CDK14: variants seen among roughly 807,000 people sequenced by gnomAD.
CDK14 encodes the protein cyclin-dependent kinase 14.
In CDK14, 34 loss-of-function variants were observed where a neutral mutation model predicts 60.7. The observed-to-expected ratio is 0.56, with a 90% CI of 0.43 to 0.75. The LOEUF (loss-of-function observed/expected upper bound fraction) is 0.75. Among genes scored for constraint, CDK14 ranks in the 30% least tolerant of loss-of-function variants. The pLI is 0.00. For missense variants in CDK14, 482 were observed against 564.1 expected (o/e 0.85, Z 1.47); for synonymous variants, 197 against 203.7 (o/e 0.97, Z 0.28).
intron 10 of CDK14, among the ~76,000 whole-genome samples, chr7:91,007,725 T>G (rs1297255039): frequency 6.6e-6 from 1 of 152,092 alleles, no homozygotes; most frequent in African/African-American, 2.4e-5. Context: ...GTCAGTAAAC[T>G]GTTCTTTTTT....
intron 12 of CDK14, among the ~76,000 whole-genome samples, chr7:91,083,516 C>CA (rs1036342392): frequency 6.6e-6 from 1 of 152,202 alleles, no homozygotes; most frequent in African/African-American, 2.4e-5. Context: ...TGGAGGCCCC[C>CA]AAAGGCTCAC....
chr7:91,078,807 G>A (rs1020034554), intron 11 of CDK14, among the ~76,000 whole-genome samples: 1 of 152,288 alleles, frequency 6.6e-6, no homozygotes, highest in Non-Finnish European at 1.5e-5. Context: ...TTAACAATTG[G>A]TATATCATCA....
chr7:90,966,647 T>G (rs1391425793), intron 9 of CDK14, among the ~76,000 whole-genome samples: 1 of 152,158 alleles, frequency 6.6e-6, no homozygotes, highest in Non-Finnish European at 1.5e-5. Flanking sequence ...CTCCTGGGTT[T>G]AATGTCATCT....
At chr7:90,748,395 T>C (rs1803683701) in intron 4 of CDK14, among the ~76,000 whole-genome samples, 1 of 152,176 alleles carries the variant, frequency 6.6e-6, no homozygotes, top group South Asian at 2.1e-4. Flanking sequence ...ACCTCCTTAC[T>C]CTCCCTTATT....
At chr7:90,696,343 T>C (rs796441838) in intron 2 of CDK14, among the ~76,000 whole-genome samples, 20,454 of 142,582 alleles carry the variant, frequency 0.14, 1,528 homozygotes, top group South Asian at 0.17. Context: ...CTTCTTTTTT[T>C]TTTTTTTTTT....
chr7:90,907,193 T>C (rs1481345380), intron 7 of CDK14, among the ~76,000 whole-genome samples: 3 of 151,994 alleles, frequency 2.0e-5, no homozygotes, highest in South Asian at 2.1e-4. Context: ...GGGAAACTGG[T>C]TAGAATATTT....
At chr7:91,119,934 C>T (rs1799731943) in intron 14 of CDK14, among the ~76,000 whole-genome samples, 2 of 152,148 alleles carry the variant, frequency 1.3e-5, no homozygotes, top group Admixed American at 6.6e-5. Context: ...TTCAATTGGT[C>T]AGACAAAGAG....
intron 12 of CDK14, among the ~76,000 whole-genome samples, chr7:91,096,954 C>T (rs1462940645): frequency 6.6e-6 from 1 of 152,202 alleles, no homozygotes; most frequent in Non-Finnish European, 1.5e-5. Flanking sequence ...GAAAAGTCTA[C>T]ACCCTCAACA....
intron 4 of CDK14, among the ~76,000 whole-genome samples, chr7:90,770,686 T>G (rs1804748589): frequency 6.6e-6 from 1 of 152,230 alleles, no homozygotes; most frequent in African/African-American, 2.4e-5. Flanking sequence ...CTCCAGGCTT[T>G]AAATGTGCTT....
chr7:91,126,560 A>G (rs566756923), intron 14 of CDK14, among the ~76,000 whole-genome samples: 1 of 152,332 alleles, frequency 6.6e-6, no homozygotes, highest in East Asian at 1.9e-4. Context: ...AGAATTGCAT[A>G]TTGATAGTGG....
At chr7:91,156,142 C>G (rs1235224380) in intron 14 of CDK14, among the ~76,000 whole-genome samples, 1 of 152,168 alleles carries the variant, frequency 6.6e-6, no homozygotes, top group Non-Finnish European at 1.5e-5. Flanking sequence ...CGCCAGACCT[C>G]TCATTAACTA....
At chr7:90,783,886 A>G (rs1479148073) in intron 4 of CDK14, among the ~76,000 whole-genome samples, 1 of 152,132 alleles carries the variant, frequency 6.6e-6, no homozygotes, top group African/African-American at 2.4e-5. Flanking sequence ...TCAAAAAACT[A>G]GAACTACCAT....
intron 11 of CDK14, among the ~76,000 whole-genome samples, chr7:91,070,095 C>A (rs919755102): frequency 2.6e-5 from 4 of 152,196 alleles, no homozygotes; most frequent in African/African-American, 9.6e-5. Flanking sequence ...CCACACCCAG[C>A]CTGTGTATTG....
chr7:90,618,718 G>T (rs960287851), intron 2 of CDK14, among the ~76,000 whole-genome samples: 1 of 152,166 alleles, frequency 6.6e-6, no homozygotes, highest in Non-Finnish European at 1.5e-5. Flanking sequence ...TGGCTTTTCT[G>T]ATGATCCCCA....
intron 5 of CDK14, among the ~76,000 whole-genome samples, chr7:90,845,813 A>G (rs1019267885): frequency 6.6e-6 from 1 of 152,156 alleles, no homozygotes; most frequent in African/African-American, 2.4e-5. Flanking sequence ...CCTTGGTGAC[A>G]CTATTATGTC....
At chr7:90,783,743 G>A (rs1263469840) in intron 4 of CDK14, among the ~76,000 whole-genome samples, 1 of 152,116 alleles carries the variant, frequency 6.6e-6, no homozygotes, top group East Asian at 1.9e-4. Context: ...TCTCACCCCA[G>A]TTAAAATGGC....
chr7:90,715,929 T>G (rs1802232639), intron 2 of CDK14, among the ~76,000 whole-genome samples: 1 of 151,826 alleles, frequency 6.6e-6, no homozygotes, highest in Non-Finnish European at 1.5e-5. Flanking sequence ...TATAAATGTT[T>G]TGTTGAGGGG....
chr7:91,151,929 T>C (rs1562972809), intron 14 of CDK14, among the ~76,000 whole-genome samples: 1 of 152,108 alleles, frequency 6.6e-6, no homozygotes, highest in Admixed American at 6.5e-5. Flanking sequence ...CAACATGAGA[T>C]GGAACAGTCC....
intron 4 of CDK14, among the ~76,000 whole-genome samples, chr7:90,780,532 G>A (rs1311704171): frequency 1.3e-5 from 2 of 148,574 alleles, no homozygotes; most frequent in Non-Finnish European, 3.0e-5. Flanking sequence ...CCATTAACTC[G>A]TCATTTAGTA....
Sources: gnomAD v4.1 joint callset for allele counts (sites outside exome capture counted in the v4.1 genomes callset) on GRCh38, gnomAD v4.1.1 for gene constraint, MANE v1.5 for transcripts, NCBI Gene and HGNC (gene_info 2026-07-23, HGNC 2026-07-21) for gene names.